The following TICRR variants were observed in gnomAD, a reference collection of about 807,000 sequenced individuals.
TICRR encodes TOPBP1 interacting checkpoint and replication regulator.
TICRR carries 132 observed loss-of-function variants against 178.1 expected under a neutral mutation model. That is an observed-to-expected ratio of 0.74 (90% CI 0.64 to 0.86). The LOEUF (loss-of-function observed/expected upper bound fraction) is 0.86. Ranked by LOEUF, TICRR falls within the 40% of genes least tolerant of loss-of-function variation. The pLI is 0.00. For missense variants in TICRR, 2,587 were observed against 2,334.3 expected, an observed-to-expected ratio of 1.11 and a Z score of -2.23; for synonymous variants, 991 against 900.7, an observed-to-expected ratio of 1.10 and a Z score of -1.79.
At chr15:89,587,704 C>T (rs554196455) in intron 4 of TICRR, among the ~76,000 whole-genome samples, 6 of 151,986 alleles carry the variant, frequency 3.9e-5, no homozygotes. Context: ...ACCATCACAA[C>T]GTGATGGTTG....
intron 15 of TICRR, among the ~76,000 whole-genome samples, chr15:89,611,922 A>G (rs1379612121): frequency 6.6e-6 from 1 of 152,230 alleles, no homozygotes; most frequent in Non-Finnish European, 1.5e-5. Flanking sequence ...GTGCATATTT[A>G]GAGAAGTTGA....
At chr15:89,588,205 A>C (rs1489718582) in intron 4 of TICRR, among the ~76,000 whole-genome samples, 1 of 152,132 alleles carries the variant, frequency 6.6e-6, no homozygotes, top group African/African-American at 2.4e-5. Context: ...CTGGAGGCTG[A>C]GGAGAGAGGG....
At chr15:89,615,775 CAT>C (rs939289330) in intron 15 of TICRR, among the ~76,000 whole-genome samples, 94 of 152,302 alleles carry the variant, frequency 6.2e-4, no homozygotes, top group African/African-American at 2.0e-3. Flanking sequence ...GGCATTTTCA[CAT>C]ATTTCATTTA....
intron 1 of TICRR, chr15:89,582,323 C>CAAA (rs35892715): frequency 7.3e-4 from 83 of 113,080 alleles, no homozygotes; most frequent in African/African-American, 2.3e-3. Flanking sequence ...GACTCTGACT[C>CAAA]AAAAAAAAAA....
Position 89,602,866 on chromosome 15 carries a change from A to G in TICRR, c.2638A>G (p.Lys880Glu), listed in dbSNP as rs1304443845. The G allele has an allele frequency of 3.3e-6, 5 of 1,530,054 alleles. No homozygotes were observed. The Admixed American group carries it at 8.2e-5, about 25-fold the overall frequency. The allele number at this position is 1,530,054 out of a possible 1,614,324, so 94.8% of individuals were successfully genotyped here. A position where few individuals can be genotyped will look rare whatever the true frequency, so the allele number is the denominator to read the frequency against. ...GAATCTTCGACAAATTGAAATTCCT[A>G]AAGTGTCAAAGAGAGCTACGAAAAA... ...SQNLRQIEIP[K>E]VSKRATKKEN... Residue 880 changes from lysine to glutamate, a missense_variant, in exon 13 of 22, where the codon AAA (lysine) becomes GAA (glutamate). By Grantham distance (56) the Lys-to-Glu change is moderately conservative (BLOSUM62 1). Transcript: ENST00000268138.
rs199713418 is a variant in TICRR, at chr15:89,627,003, A to T, written c.5650A>T (p.Ser1884Cys). The T allele has an allele frequency of 3.6e-5, 58 of 1,614,134 alleles. No homozygotes were observed. The East Asian group carries it at 1.1e-3, about 30-fold the overall frequency. The change falls in exon 22 of 22, where the codon AGT becomes TGT. Residue 1884 changes from serine (S) to cysteine (C), a missense_variant. By Grantham distance (112) the Ser-to-Cys change is moderately radical (BLOSUM62 -1). Coordinates refer to ENST00000268138, the MANE Select transcript of TICRR (RefSeq NM_152259.4). ...CTCCACTGTAGAAGACTCTCCTTTC[A>T]GTCGCGCTTTCTCCAGGAGGCGCCC... The part of the protein sequence containing the change: ...LPSTVEDSPF[S>C]RAFSRRRPIS...
At chr15:89,577,951 G>C (rs1962655111) in intron 1 of TICRR, among the ~76,000 whole-genome samples, 1 of 152,008 alleles carries the variant, frequency 6.6e-6, no homozygotes. Flanking sequence ...GGTGAAGGAG[G>C]AGGAACTCAA....
In TICRR at chr15:89,602,081, C is replaced by A; in HGVS notation, c.2567+105C>A. On this transcript the variant is annotated intron_variant, in intron 12 of 21. Transcript: ENST00000268138. The stretch of plus-strand genomic sequence containing the variant: ...ATCTTTGTCCATATAATTTGTTGAA[C>A]TAATAGCTGCCCTTATGTCTGAATC... 3.6e-6 allele frequency: 5 copies of A among 1,377,408 alleles called. No homozygotes were observed. The African/African-American group carries it at 5.8e-5, about 16-fold the overall frequency. The allele number at this position is 1,377,408 out of a possible 1,614,324, so 85.3% of individuals were successfully genotyped here.
chr15:89,577,275 C>G (rs947973926), intron 1 of TICRR, among the ~76,000 whole-genome samples: 2 of 151,378 alleles, frequency 1.3e-5, no homozygotes, highest in Non-Finnish European at 2.9e-5. Context: ...TTCTTGCAAA[C>G]TTAAAGTCTT....
Position 89,608,801 on chromosome 15 carries a change from A to C in TICRR, c.2723-2A>C, listed in dbSNP as rs1351523470. The C allele has an allele frequency of 6.3e-7, 1 of 1,598,408 alleles. No individual in the cohort carries two copies. The highest frequency in any genetic ancestry group is 1.1e-5 in the South Asian group (1 of 87,766). On this transcript the variant is annotated splice_acceptor_variant, in intron 14 of 21. Transcript: ENST00000268138. LOFTEE classifies it high-confidence loss of function. ...TTTTCTTTTAATTTTTGATGCTTTCAGAAGTGACCAAAGTTCGAAGAAATC... is the reference window on the plus strand; with the variant it reads ...TTTTCTTTTAATTTTTGATGCTTTCCGAAGTGACCAAAGTTCGAAGAAATC...
At chr15:89,579,098 G>A (rs181933727) in intron 1 of TICRR, among the ~76,000 whole-genome samples, 133 of 152,276 alleles carry the variant, frequency 8.7e-4, no homozygotes, top group African/African-American at 2.8e-3. Flanking sequence ...ACAGAATGGA[G>A]GATAAGAGAC....
intron 15 of TICRR, among the ~76,000 whole-genome samples, chr15:89,616,039 C>G (rs1381480755): frequency 1.3e-5 from 2 of 152,084 alleles, no homozygotes; most frequent in African/African-American, 4.8e-5. Flanking sequence ...CACGCACCAC[C>G]TCGCCCAGTT....
In TICRR at chr15:89,601,743, T is replaced by G; in HGVS notation, c.2334T>G (p.Ile778Met). 6.2e-7 allele frequency: 1 copy of G among 1,614,164 alleles called. No individual in the cohort carries two copies. Among genetic ancestry groups the G allele is most frequent in the African/African-American group, 1.3e-5 (1 of 75,052 alleles). ...CGATCAATCTGTTCCACAGGTATATTGACTCTATCCCAAAGACACTTGGAA... is the reference window on the plus strand; with the variant it reads ...CGATCAATCTGTTCCACAGGTATATGGACTCTATCCCAAAGACACTTGGAA... The part of the protein sequence containing the change: ...EFLEEILRLY[I>M]DSIPKTLGNL... The change falls in exon 12 of 22, where the codon ATT becomes ATG. Residue 778 changes from isoleucine to methionine, a missense_variant. Physicochemically the swap from Ile to Met is conservative, Grantham distance 10. Coordinates refer to ENST00000268138, the MANE Select transcript of TICRR (RefSeq NM_152259.4).
chr15:89,622,915 C>A (rs1468592721), intron 19 of TICRR, among the ~76,000 whole-genome samples: 1 of 152,200 alleles, frequency 6.6e-6, no homozygotes, highest in African/African-American at 2.4e-5. Flanking sequence ...TGATGCCCCT[C>A]GCATGTCCCT....
intron 13 of TICRR, among the ~76,000 whole-genome samples, chr15:89,606,424 A>C (rs1289928335): frequency 2.0e-5 from 3 of 152,214 alleles, no homozygotes; most frequent in Non-Finnish European, 4.4e-5. Context: ...GTTGGCACTC[A>C]TGAAGTTTTG....
chr15:89,585,720 G>T lies in TICRR; in HGVS notation c.1189G>T (p.Asp397Tyr), dbSNP rs1567040876. The T allele has an allele frequency of 6.2e-7, 1 of 1,613,942 alleles. No homozygotes were observed. The highest frequency in any genetic ancestry group is 8.5e-7 in the Non-Finnish European group (1 of 1,179,898). ...AEELHLVADV[D>Y]PGEGRPPITG... Reference sequence around the variant, plus strand: ...GCTTCTCACGTAGGTTGCTGATGTGGACCCTGGTGAAGGCCGGCCCCCCAT... The same window carrying T: ...GCTTCTCACGTAGGTTGCTGATGTGTACCCTGGTGAAGGCCGGCCCCCCAT... Residue 397 changes from aspartate to tyrosine, a missense_variant, in exon 4 of 22, where the codon GAC (aspartate) becomes TAC (tyrosine). Physicochemically the swap from Asp to Tyr is radical, Grantham distance 160. Transcript: ENST00000268138.
intron 4 of TICRR, among the ~76,000 whole-genome samples, chr15:89,588,711 G>C (rs1962861679): frequency 6.6e-6 from 1 of 152,128 alleles, no homozygotes; most frequent in African/African-American, 2.4e-5. Flanking sequence ...GGGGACAAAG[G>C]CCAGAGTGTT....
chr15:89,601,258 C>A, intron 9 of TICRR, 40 bp from the exon 10 acceptor site: 1 of 1,573,540 alleles, frequency 6.4e-7, no homozygotes, highest in Non-Finnish European at 8.7e-7. Flanking sequence ...TGTTTAGTGA[C>A]ATCCAAAGTA....
At chr15:89,617,163 T>C (rs1201238905) in intron 16 of TICRR, among the ~76,000 whole-genome samples, 2 of 152,178 alleles carry the variant, frequency 1.3e-5, no homozygotes, top group Non-Finnish European at 2.9e-5. Flanking sequence ...GTATAGATAA[T>C]GTCATGGGTT....
Sources: allele counts gnomAD v4.1 joint callset (sites outside exome capture counted in the v4.1 genomes callset), GRCh38; gene constraint gnomAD v4.1.1; transcripts MANE v1.5; gene names NCBI Gene and HGNC (gene_info 2026-07-23, HGNC 2026-07-21).